The following DPP8 variants were observed in gnomAD, a reference collection of about 807,000 sequenced individuals.
DPP8 encodes dipeptidyl peptidase 8, also known as DPP VIII.
A neutral mutation model predicts 107.5 loss-of-function variants in DPP8; 31 were observed. That is an observed-to-expected ratio of 0.29 (90% confidence interval 0.22 to 0.39). The LOEUF (loss-of-function observed/expected upper bound fraction) is 0.39. Among genes scored for constraint, DPP8 ranks in the 10% least tolerant of loss-of-function variants. The pLI is 1.00. For synonymous variants in DPP8, 381 were observed against 356.6 expected (o/e 1.07, Z -0.77); for missense variants, 842 against 1,076.1 (o/e 0.78, Z 3.04).
chr15:65,482,375 G>T (rs1393405421), intron 8 of DPP8, among the ~76,000 whole-genome samples: 1 of 151,102 alleles, frequency 6.6e-6, no homozygotes, highest in Non-Finnish European at 1.5e-5. Flanking sequence ...TCTGCCTCCC[G>T]GGTTTAAGTG....
intron 11 of DPP8, among the ~76,000 whole-genome samples, 194 bp downstream of exon 11, chr15:65,478,686 C>A (rs1372984781): frequency 6.6e-6 from 1 of 152,156 alleles, no homozygotes; most frequent in Admixed American, 6.5e-5. Context: ...CTTTATAATA[C>A]GTGTCAATCC....
intron 11 of DPP8, among the ~76,000 whole-genome samples, chr15:65,478,026 T>G (rs2066565505): frequency 6.6e-6 from 1 of 152,194 alleles, no homozygotes; most frequent in African/African-American, 2.4e-5. Flanking sequence ...CCTAGGCTTA[T>G]GCATCCATTC....
intron 15 of DPP8, among the ~76,000 whole-genome samples, chr15:65,461,911 T>G (rs1007733090): frequency 1.3e-5 from 2 of 151,192 alleles, no homozygotes; most frequent in Non-Finnish European, 3.0e-5. Context: ...CCGTTTTTTT[T>G]TTTTTAAAGT....
chr15:65,478,294 C>T (rs1456833624), intron 11 of DPP8, among the ~76,000 whole-genome samples: 2 of 152,140 alleles, frequency 1.3e-5, no homozygotes, highest in African/African-American at 4.8e-5. Context: ...GAGTTTTGCT[C>T]TGTTGCCAGA....
At chr15:65,455,994 CAG>C (rs2064379585) in intron 16 of DPP8, among the ~76,000 whole-genome samples, 1 of 152,154 alleles carries the variant, frequency 6.6e-6, no homozygotes, top group South Asian at 2.1e-4. Context: ...ACATACAAAA[CAG>C]AGAGGATATT....
At chr15:65,452,780 T>C (rs1036906451) in intron 17 of DPP8, among the ~76,000 whole-genome samples, 1 of 152,084 alleles carries the variant, frequency 6.6e-6, no homozygotes, top group Non-Finnish European at 1.5e-5. Context: ...GAGACCAGCC[T>C]GGCAAACATG....
intron 8 of DPP8, among the ~76,000 whole-genome samples, chr15:65,483,056 C>A (rs969056683): frequency 1.3e-5 from 2 of 151,896 alleles, no homozygotes; most frequent in Non-Finnish European, 2.9e-5. Context: ...GAGATCGCAC[C>A]ACTGCACTCC....
intron 6 of DPP8, among the ~76,000 whole-genome samples, chr15:65,488,454 A>G (rs1300307022): frequency 4.6e-5 from 7 of 151,902 alleles, no homozygotes; most frequent in Admixed American, 4.6e-4. Flanking sequence ...AAAAAAATAC[A>G]AAAATTAGCT....
At chr15:65,514,665 C>G (rs772369739) in intron 1 of DPP8, among the ~76,000 whole-genome samples, 2 of 152,134 alleles carry the variant, frequency 1.3e-5, no homozygotes, top group Non-Finnish European at 2.9e-5. Flanking sequence ...CACCCGCCAT[C>G]GTGCCCAGTT....
chr15:65,449,726 TACTCTGTGAGGCCAA>T (rs1441674582), intron 19 of DPP8, among the ~76,000 whole-genome samples: 1 of 152,066 alleles, frequency 6.6e-6, no homozygotes, highest in Non-Finnish European at 1.5e-5. Flanking sequence ...CATAACTACA[TACTCTGTGAGGCCAA>T]ACTTTTCTTC....
rs964536169 is a variant in DPP8, at chr15:65,443,852, G to A, written c.*3032C>T. The A allele has an allele frequency of 2.0e-5, 3 of 152,150 alleles. No individual in the cohort carries two copies. Among genetic ancestry groups the A allele is most frequent in the Non-Finnish European group, 2.9e-5 (2 of 68,028 alleles). The allele number at this position is 152,150 out of a possible 1,614,324, so 9.4% of individuals were successfully genotyped here. A position where few individuals can be genotyped will look rare whatever the true frequency, so the allele number is the denominator to read the frequency against. On this transcript the variant is annotated 3_prime_UTR_variant, in exon 20 of 20. Transcript: ENST00000300141. ...TCCACAGATGACTTACTATAGGATCGCCTGGAAAGCTTGTTAGAAATGCAC... is the reference window on the plus strand; with the variant it reads ...TCCACAGATGACTTACTATAGGATCACCTGGAAAGCTTGTTAGAAATGCAC...
intron 11 of DPP8, among the ~76,000 whole-genome samples, chr15:65,477,429 G>GTA (rs1033855170): frequency 6.0e-5 from 9 of 151,032 alleles, no homozygotes; most frequent in South Asian, 2.1e-4. Flanking sequence ...TTTAAAAAAT[G>GTA]TATATATATA....
chr15:65,454,136 C>CAAA (rs370866269), intron 17 of DPP8, 127 bp downstream of exon 17: 858 of 350,886 alleles, frequency 2.4e-3, no homozygotes, highest in Middle Eastern at 4.0e-3. Context: ...GACTTCGTCT[C>CAAA]AAAAAAAAAA....
In DPP8 at chr15:65,446,982, T is replaced by A; in HGVS notation, c.2551A>T (p.Ile851Leu). The A allele has an allele frequency of 1.9e-6, 3 of 1,611,290 alleles. No homozygotes were observed. The highest frequency in any genetic ancestry group is 2.5e-6 in the Non-Finnish European group (3 of 1,178,548). The change falls in exon 20 of 20, where the codon ATA becomes TTA. Residue 851 changes from isoleucine to leucine, a missense_variant. Coordinates refer to ENST00000300141, the MANE Select transcript of DPP8 (RefSeq NM_130434.5). ...LQIYPQERHS[I>L]RVPESGEHYE... ...TGTTCTCCCGATTCAGGAACTCTTA[T>A]GCTGTGTCTCTCCTGAGGATAGATC...
chr15:65,465,973 G>C (rs1415320639), intron 14 of DPP8, among the ~76,000 whole-genome samples: 1 of 152,162 alleles, frequency 6.6e-6, no homozygotes, highest in African/African-American at 2.4e-5. Context: ...TGCTTCAAAA[G>C]TTTAAGAAAG....
At chr15:65,480,170 T>G in intron 10 of DPP8, 52 bp downstream of exon 10, 1 of 1,524,806 alleles carries the variant, frequency 6.6e-7, no homozygotes, top group Non-Finnish European at 8.9e-7. Flanking sequence ...TAACTTCATT[T>G]GCTTTAGCAT....
At chr15:65,454,777 G>C (rs2064266873) in intron 16 of DPP8, among the ~76,000 whole-genome samples, 1 of 152,270 alleles carries the variant, frequency 6.6e-6, no homozygotes, top group Non-Finnish European at 1.5e-5. Context: ...CACCCGCCTC[G>C]GCCTCCCAAA....
intron 5 of DPP8, among the ~76,000 whole-genome samples, chr15:65,493,580 TAAC>T (rs1213582786): frequency 6.6e-6 from 1 of 152,178 alleles, no homozygotes; most frequent in Non-Finnish European, 1.5e-5. Context: ...TGAATTTTAG[TAAC>T]AACCTAATGA....
chr15:65,455,933 AC>A, intron 16 of DPP8: 1 of 1,054,762 alleles, frequency 9.5e-7, no homozygotes, highest in East Asian at 4.5e-5. Context: ...TTATTCCTCA[AC>A]TGTGTACAGG....
Sources: gnomAD v4.1 joint callset for allele counts (sites outside exome capture counted in the v4.1 genomes callset) on GRCh38, gnomAD v4.1.1 for gene constraint, MANE v1.5 for transcripts, NCBI Gene and HGNC (gene_info 2026-07-23, HGNC 2026-07-21) for gene names.